Variants in LRIT3 observed in about 807,000 individuals in gnomAD.
The protein encoded by LRIT3 is leucine rich repeat, Ig-like and transmembrane domains 3, also known as leucine-rich repeat, immunoglobulin-like domain and transmembrane domain-containing protein 3.
Under a neutral mutation model 22.6 loss-of-function variants are expected in LRIT3, and 14 were observed. The observed-to-expected ratio is 0.62, with a 90% CI of 0.41 to 0.97. LRIT3 has a LOEUF of 0.97. Ranked by LOEUF, LRIT3 falls within the 50% of genes least tolerant of loss-of-function variation. The pLI is 0.00. For synonymous variants in LRIT3, 306 were observed against 304.5 expected, an observed-to-expected ratio of 1.01 and a Z score of -0.05; for missense variants, 783 against 803.0, an observed-to-expected ratio of 0.98 and a Z score of 0.30.
rs550500577 is a variant in LRIT3 at position 109,870,662 on chromosome 4, G to C, written c.1913G>C (p.Ser638Thr). Residue 638 changes from serine (S) to threonine (T), a missense_variant, in exon 4 of 4, where the codon AGT becomes ACT. By Grantham distance (58) the Ser-to-Thr change is moderately conservative. Around this residue, in one of 2 missense-constraint regions of LRIT3, gnomAD observed 756 missense variants for 753.8 expected, o/e 1.00. Transcript: ENST00000594814. ...GAGACCCTGTTTCCCAGGTCTCAAA[G>C]TGTAGGTGAGCTCTGGACACGAAGC... is the stretch of plus-strand genomic sequence containing the variant. The part of the protein sequence containing the change: ...QFETLFPRSQ[S>T]VGELWTRSHR... The C allele has an allele frequency of 8.1e-6, 13 of 1,614,132 alleles. No individual in the cohort carries two copies. In the Admixed American group the frequency reaches 1.3e-4, roughly 17 times the overall value.
chr4:109,849,107 A>C (rs1006802021), intron 1 of LRIT3, among the ~76,000 whole-genome samples: 4 of 152,234 alleles, frequency 2.6e-5, no homozygotes, highest in Admixed American at 2.6e-4. Context: ...CAGATAAAAT[A>C]ATTTGTTAAA....
intron 2 of LRIT3, among the ~76,000 whole-genome samples, chr4:109,856,812 A>G (rs941950016): frequency 2.0e-5 from 3 of 152,216 alleles, no homozygotes; most frequent in Non-Finnish European, 2.9e-5. Flanking sequence ...ACATTCAAAT[A>G]GAATTTTTTT....
In LRIT3 at chr4:109,858,094, G is replaced by C. The variant is rs544868213; in HGVS notation, c.589+6118G>C. On this transcript the variant is annotated intron_variant, in intron 2 of 3. Coordinates refer to ENST00000594814, the MANE Select transcript of LRIT3 (RefSeq NM_198506.5). The stretch of plus-strand genomic sequence containing the variant: ...ATTGAAAGGGGTTCCTTCTTCTGAA[G>C]GTTGGGCAGGACAACGATCATCTAC... Among the ~76,000 whole-genome samples, 57 of 152,274 alleles carry C rather than the reference G, an allele frequency of 3.7e-4. No homozygotes were observed. In the East Asian group the frequency reaches 9.5e-3, roughly 25 times the overall value.
chr4:109,870,738 A>C lies in LRIT3; in HGVS notation c.1989A>C (p.Glu663Asp). 1 of 1,612,996 alleles carries C rather than the reference A, an allele frequency of 6.2e-7. No homozygotes were observed. Among genetic ancestry groups the C allele is most frequent in the Non-Finnish European group, 8.5e-7 (1 of 1,179,618 alleles). ...TGCTTTGTTCTAGGTCAAGTGTGGA[A>C]TCTCAGGTGACTTTTAAAAGTGAAG... ...KLLLCSRSSV[E>D]SQVTFKSEGS... The change falls in exon 4 of 4, where the codon GAA (glutamate) becomes GAC (aspartate). Residue 663 changes from glutamate to aspartate, a missense_variant. Glu to Asp is a conservative substitution (Grantham distance 45). Transcript: ENST00000594814.
intron 2 of LRIT3, among the ~76,000 whole-genome samples, chr4:109,858,205 G>A (rs971911219): frequency 3.9e-5 from 6 of 152,046 alleles, no homozygotes; most frequent in Admixed American, 2.6e-4. Flanking sequence ...AGGAGGAAAA[G>A]GAATATAGGC....
rs61745483 is a variant in LRIT3, at chr4:109,851,892, C to A, written c.505C>A (p.Pro169Thr). 0.028 allele frequency: 43,745 copies of A among 1,551,554 alleles called. 780 individuals are homozygous for A. Among genetic ancestry groups the A allele is most frequent in the Non-Finnish European group, 0.031 (36,083 of 1,146,914 alleles). The change falls in exon 2 of 4, where the codon CCA (proline) becomes ACA (threonine). Residue 169 changes from proline (P) to threonine (T), a missense_variant. Around this residue, in one of 2 missense-constraint regions of LRIT3, gnomAD observed 756 missense variants for 753.8 expected, o/e 1.00. Transcript: ENST00000594814. ...DLSSNRLTTL[P>T]PDFLESWTHL... Reference sequence around the variant, plus strand: ...ATCAAGCAACAGACTCACCACATTGCCACCAGATTTCCTGGAGAGCTGGAC... The same window carrying A: ...ATCAAGCAACAGACTCACCACATTGACACCAGATTTCCTGGAGAGCTGGAC...
chr4:109,850,651 A>AT (rs1301604969), intron 1 of LRIT3, among the ~76,000 whole-genome samples: 1 of 151,006 alleles, frequency 6.6e-6, no homozygotes, highest in Non-Finnish European at 1.5e-5. Flanking sequence ...TAATTTTTGT[A>AT]TTTTTAGTGG....
intron 2 of LRIT3, among the ~76,000 whole-genome samples, chr4:109,867,346 G>A (rs1734706250): frequency 6.6e-6 from 1 of 152,008 alleles, no homozygotes; most frequent in Non-Finnish European, 1.5e-5. Flanking sequence ...TTTCTCATAG[G>A]ATTATTGAGA....
At position 109,870,758 on chromosome 4, in the gene LRIT3, G is replaced by A; in HGVS notation, c.2009G>A (p.Ser670Asn). The A allele has an allele frequency of 6.2e-7, 1 of 1,611,194 alleles. No individual in the cohort carries two copies. Among genetic ancestry groups the A allele is most frequent in the Non-Finnish European group, 8.5e-7 (1 of 1,178,576 alleles). ...GTGGAATCTCAGGTGACTTTTAAAA[G>A]TGAAGGTTCCAGACCAGAGTATTAT... Reference protein sequence around the residue: ...SSVESQVTFKSEGSRPEYYC With the variant: ...SSVESQVTFKNEGSRPEYYC The change falls in exon 4 of 4, where the codon AGT becomes AAT. Residue 670 changes from serine (S) to asparagine (N), a missense_variant. By Grantham distance (46) the Ser-to-Asn change is conservative. This residue lies in a region of LRIT3 where 756 missense variants were observed against 753.8 expected (regional missense o/e 1.00). Coordinates refer to ENST00000594814, the MANE Select transcript of LRIT3 (RefSeq NM_198506.5).
In LRIT3 at chr4:109,851,712, G is replaced by T; in HGVS notation, c.325G>T (p.Glu109Ter). 1 of 1,551,734 alleles carries T rather than the reference G, an allele frequency of 6.4e-7. No individual in the cohort carries two copies. The highest frequency in any genetic ancestry group is 8.7e-7 in the Non-Finnish European group (1 of 1,146,998). Reference protein sequence around the residue: ...SSFYNLKQLHELRLDGNSLAA... With the variant: ...SSFYNLKQLH Reference sequence around the variant, plus strand: ...CTTTTACAACCTGAAGCAACTGCATGAGTTGCGCTTGGATGGGAATTCTCT... The same window carrying T: ...CTTTTACAACCTGAAGCAACTGCATTAGTTGCGCTTGGATGGGAATTCTCT... The change falls in exon 2 of 4, where the codon GAG becomes TAG. Residue 109 changes from glutamate (E) to a stop codon, truncating the protein, a stop_gained. Coordinates refer to ENST00000594814, the MANE Select transcript of LRIT3 (RefSeq NM_198506.5). LOFTEE classifies it high-confidence loss of function.
In LRIT3 at chr4:109,870,891, G is replaced by T; in HGVS notation, c.*102G>T. 1 of 1,200,314 alleles carries T rather than the reference G, an allele frequency of 8.3e-7. No individual in the cohort carries two copies. Among genetic ancestry groups the T allele is most frequent in the Non-Finnish European group, 1.1e-6 (1 of 878,252 alleles). The allele number at this position is 1,200,314 out of a possible 1,614,324, so 74.4% of individuals were successfully genotyped here. On this transcript the variant is annotated 3_prime_UTR_variant, in exon 4 of 4. Transcript: ENST00000594814. ...TTGGACAGACTTTCACATTGTACAT[G>T]AAAATCACAAATGGAATGCTTTTAA...
intron 3 of LRIT3, among the ~76,000 whole-genome samples, chr4:109,868,309 ACCTGTAATC>A (rs1560595327): frequency 6.6e-6 from 1 of 152,010 alleles, no homozygotes. Context: ...GGTGGCTCAC[ACCTGTAATC>A]CCAGCACTTT....
chr4:109,852,105 C>T (rs1200052257), intron 2 of LRIT3, 129 bp downstream of exon 2: 5 of 815,850 alleles, frequency 6.1e-6, no homozygotes, highest in Non-Finnish European at 9.4e-6. Context: ...TGGAATAGTA[C>T]CTTATTAGTT....
Position 109,870,966 on chromosome 4 carries a change from G to A in LRIT3, c.*177G>A. 5.4e-6 allele frequency: 3 copies of A among 551,828 alleles called. No individual in the cohort carries two copies. The highest frequency in any genetic ancestry group is 7.4e-5 in the South Asian group (1 of 13,510). 34.2% of individuals were successfully genotyped at this position (551,828 alleles called of 1,614,324 possible). The stretch of plus-strand genomic sequence containing the variant: ...CCTCTGAACTGAAAAGACAAATAAT[G>A]TTGATTTTTTTTCTTGTGTGGAAAA... On this transcript the variant is annotated 3_prime_UTR_variant, in exon 4 of 4. Coordinates refer to ENST00000594814, the MANE Select transcript of LRIT3 (RefSeq NM_198506.5).
chr4:109,850,422 C>CCTTCTTTCTTTCTTTCTTTCTTTCTTTTT (rs66553123), intron 1 of LRIT3, among the ~76,000 whole-genome samples: 1 of 55,088 alleles, frequency 1.8e-5, no homozygotes, highest in Non-Finnish European at 3.5e-5. Flanking sequence ...TTCCTTCCTT[C>CCTTCTTTCTTTCTTTCTTTCTTTCTTTTT]CTTTCTTTCT....
At chr4:109,848,435 T>C in intron 1 of LRIT3, 118 bp downstream of exon 1, 2 of 474,294 alleles carry the variant, frequency 4.2e-6, no homozygotes, top group Admixed American at 4.4e-5. Context: ...AGAGAATGTT[T>C]AGTGTCCATA....
At chr4:109,858,309 C>T (rs1183387312) in intron 2 of LRIT3, among the ~76,000 whole-genome samples, 10 of 152,086 alleles carry the variant, frequency 6.6e-5, no homozygotes, top group South Asian at 4.1e-4. Context: ...GGACCTGGAT[C>T]GCTGGAGACA....
intron 2 of LRIT3, among the ~76,000 whole-genome samples, chr4:109,858,863 A>G (rs894700899): frequency 6.6e-6 from 1 of 152,186 alleles, no homozygotes; most frequent in Non-Finnish European, 1.5e-5. Flanking sequence ...ACTGATCAAG[A>G]AAATTTTTAA....
chr4:109,852,737 T>TA (rs751665023), intron 2 of LRIT3, among the ~76,000 whole-genome samples: 5 of 152,196 alleles, frequency 3.3e-5, no homozygotes, highest in Admixed American at 6.5e-5. Context: ...ATCCCTCCCC[T>TA]AGACCCCTAC....
Sources: allele counts gnomAD v4.1 joint callset (sites outside exome capture counted in the v4.1 genomes callset), GRCh38; gene constraint gnomAD v4.1.1; regional missense constraint gnomAD v4.1.1; transcripts MANE v1.5; gene names NCBI Gene and HGNC (gene_info 2026-07-23, HGNC 2026-07-21).